The following TDRD3 variants were observed in gnomAD, a reference collection of about 807,000 sequenced individuals.
TDRD3 encodes tudor domain containing 3.
TDRD3 carries 45 observed loss-of-function variants against 86.7 expected under a neutral mutation model. The observed-to-expected ratio is 0.52, with a 90% CI of 0.41 to 0.67. TDRD3 has a LOEUF of 0.67. Among genes scored for constraint, TDRD3 ranks in the 30% least tolerant of loss-of-function variants. The pLI, the probability that TDRD3 is intolerant of heterozygous loss-of-function variation, is 0.00. For synonymous variants in TDRD3, 298 were observed against 301.7 expected (o/e 0.99, Z 0.13); for missense variants, 814 against 889.0 (o/e 0.92, Z 1.07).
At chr13:60,533,795 T>A (rs947456457) in intron 11 of TDRD3, among the ~76,000 whole-genome samples, 5 of 152,212 alleles carry the variant, frequency 3.3e-5, no homozygotes, top group African/African-American at 1.2e-4. Context: ...CTGTCCTGAA[T>A]GGGATGATCT....
chr13:60,431,929 A>G (rs1954964390), intron 1 of TDRD3, among the ~76,000 whole-genome samples: 2 of 152,044 alleles, frequency 1.3e-5, no homozygotes, highest in South Asian at 2.1e-4. Context: ...CCATTTATAT[A>G]TAAGCCACAG....
At chr13:60,469,435 TACACACACAC>T (rs111428413) in intron 5 of TDRD3, among the ~76,000 whole-genome samples, 1 of 135,642 alleles carries the variant, frequency 7.4e-6, no homozygotes, top group Non-Finnish European at 1.7e-5. Flanking sequence ...CACACACACA[TACACACACAC>T]ACACACACAC....
At chr13:60,461,841 A>C (rs999007055) in intron 4 of TDRD3, among the ~76,000 whole-genome samples, 1 of 152,218 alleles carries the variant, frequency 6.6e-6, no homozygotes, top group Non-Finnish European at 1.5e-5. Flanking sequence ...AGGTATTTTA[A>C]GGTGCAGGGA....
intron 3 of TDRD3, among the ~76,000 whole-genome samples, chr13:60,450,465 A>G (rs753764070): frequency 6.6e-6 from 1 of 152,174 alleles, no homozygotes; most frequent in Non-Finnish European, 1.5e-5. Context: ...GACCACTGGT[A>G]AAGTACTTTA....
intron 9 of TDRD3, 56 bp downstream of exon 9, chr13:60,509,975 A>G: frequency 1.9e-6 from 3 of 1,573,424 alleles, no homozygotes; most frequent in Non-Finnish European, 2.6e-6. Context: ...AGAGTAATAT[A>G]TGTTATTGAC....
intron 1 of TDRD3, among the ~76,000 whole-genome samples, chr13:60,419,882 A>G (rs1954613055): frequency 6.6e-6 from 1 of 152,194 alleles, no homozygotes. Context: ...CTAATATTTT[A>G]AAAATCTAGG....
intron 4 of TDRD3, 48 bp from the exon 5 acceptor site, chr13:60,467,190 T>C (rs776481960): frequency 1.9e-5 from 30 of 1,604,294 alleles, no homozygotes; most frequent in African/African-American, 2.7e-5. Context: ...CCTGTGTCCA[T>C]GTGTTCTCAG....
chr13:60,510,805 T>TC lies in TDRD3; in HGVS notation c.1141+50_1141+51insC, dbSNP rs1957043318. The TC allele has an allele frequency of 2.2e-6, 3 of 1,338,218 alleles. No individual in the cohort carries two copies. The South Asian group carries it at 5.1e-5, about 23-fold the overall frequency. 82.9% of individuals were successfully genotyped at this position (1,338,218 alleles called of 1,614,324 possible). ...TTTTTTTTTCTTTCTTTTCTTTCTT[T>TC]TTTTTTTTTTTTAGCGTATTTCTTT... On this transcript the variant is annotated intron_variant, in intron 10 of 13. Transcript: ENST00000377881.
rs1386505416 is a variant in TDRD3 at position 60,573,752 on chromosome 13, G to GA, written c.*152dup. 1 of 702,374 alleles carries GA rather than the reference G, an allele frequency of 1.4e-6. No homozygotes were observed. Among genetic ancestry groups the GA allele is most frequent in the Non-Finnish European group, 1.7e-6 (1 of 571,730 alleles). The allele number at this position is 702,374 out of a possible 1,614,324, so 43.5% of individuals were successfully genotyped here. On this transcript the variant is annotated 3_prime_UTR_variant, in exon 14 of 14. Transcript: ENST00000377881. ...GAAAGAAAAAACAGATTTTAGGGTG[G>GA]AAAAAACAGTCAACTCACACAAAGA...
chr13:60,397,081 G>A, upstream of TDRD3: 1 of 335,468 alleles, frequency 3.0e-6, no homozygotes, highest in Non-Finnish European at 5.4e-6. Context: ...TCCCTGAACC[G>A]TCCTGACTCC....
chr13:60,410,749 C>T (rs1194558872), intron 1 of TDRD3, among the ~76,000 whole-genome samples: 1 of 152,148 alleles, frequency 6.6e-6, no homozygotes, highest in South Asian at 2.1e-4. Context: ...TGAGAATCTT[C>T]TTTGGTTGCT....
intron 1 of TDRD3, among the ~76,000 whole-genome samples, chr13:60,404,602 G>A (rs1466544000): frequency 2.7e-5 from 4 of 150,806 alleles, no homozygotes; most frequent in African/African-American, 9.8e-5. Flanking sequence ...GAGCCACCGC[G>A]CCCGGCCCTG....
chr13:60,527,830 T>A (rs903620357), intron 10 of TDRD3, among the ~76,000 whole-genome samples: 2 of 117,528 alleles, frequency 1.7e-5, no homozygotes, highest in East Asian at 4.2e-4. Flanking sequence ...ATTTGTAACA[T>A]AAACTCTTTT....
chr13:60,469,237 T>C (rs574768438), intron 5 of TDRD3, among the ~76,000 whole-genome samples: 1 of 152,310 alleles, frequency 6.6e-6, no homozygotes, highest in East Asian at 1.9e-4. Flanking sequence ...CTGGAGAAAC[T>C]ACCCATTTCA....
chr13:60,420,693 A>C lies in TDRD3; in HGVS notation c.42-18995A>C, dbSNP rs1954632032. On this transcript the variant is annotated intron_variant, in intron 1 of 13. Transcript: ENST00000377881. ...CGTGGTGGCTGATGCCTGTAATCCCAGTGCTTTGGGAGGCCGAGGCGGGTG... is the reference window on the plus strand; with the variant it reads ...CGTGGTGGCTGATGCCTGTAATCCCCGTGCTTTGGGAGGCCGAGGCGGGTG... 2.6e-5 allele frequency among the ~76,000 whole-genome samples: 4 copies of C among 152,252 alleles called. No individual in the cohort carries two copies. The South Asian group carries it at 8.3e-4, about 32-fold the overall frequency.
intron 1 of TDRD3, among the ~76,000 whole-genome samples, chr13:60,420,747 C>T (rs1252502412): frequency 6.6e-6 from 1 of 151,966 alleles, no homozygotes; most frequent in African/African-American, 2.4e-5. Flanking sequence ...TCAAGACCAT[C>T]CTGGCTAACA....
At chr13:60,557,531 A>G (rs17058210) in intron 12 of TDRD3, among the ~76,000 whole-genome samples, 23,870 of 152,122 alleles carry the variant, frequency 0.16, 2,100 homozygotes, top group African/African-American at 0.23. Flanking sequence ...GTTGTTGGAC[A>G]TGAATAGGGA....
chr13:60,415,880 T>C (rs1324138373), intron 1 of TDRD3, among the ~76,000 whole-genome samples: 1 of 152,138 alleles, frequency 6.6e-6, no homozygotes, highest in East Asian at 1.9e-4. Context: ...CGGAAAAACA[T>C]TCTTTAGAGA....
chr13:60,467,489 G>A, intron 5 of TDRD3, 110 bp downstream of exon 5: 2 of 1,189,222 alleles, frequency 1.7e-6, no homozygotes, highest in Non-Finnish European at 2.4e-6. Context: ...GAGTTGAATA[G>A]AATGGAATAT....
Sources: gnomAD v4.1 joint callset for allele counts (sites outside exome capture counted in the v4.1 genomes callset) on GRCh38, gnomAD v4.1.1 for gene constraint, MANE v1.5 for transcripts, NCBI Gene and HGNC (gene_info 2026-07-23, HGNC 2026-07-21) for gene names.